Variants in CFAP47 observed in about 807,000 individuals in gnomAD.
The protein encoded by CFAP47 is cilia and flagella associated protein 47.
In CFAP47, 29 loss-of-function variants were observed where a neutral mutation model predicts 148.1. The ratio of observed to expected loss-of-function variants is 0.20; its 90% CI spans 0.15 to 0.27. CFAP47 has a LOEUF of 0.27. Among genes scored for constraint, CFAP47 ranks in the 10% least tolerant of loss-of-function variants. The pLI, the probability that CFAP47 is intolerant of heterozygous loss-of-function variation, is 1.00. For missense variants in CFAP47, 1,872 were observed against 1,697.5 expected (o/e 1.10, Z -1.81); for synonymous variants, 664 against 577.3 (o/e 1.15, Z -2.15).
chrX:36,261,481 C>T (rs1265102473), intron 49 of CFAP47, among the ~76,000 whole-genome samples: 3 of 106,648 alleles, frequency 2.8e-5, no homozygotes, highest in East Asian at 2.9e-4. Context: ...CGGCCTTCCT[C>T]AGTGTTTGTG....
At chrX:36,227,399 T>C (rs782701174) in intron 45 of CFAP47, among the ~76,000 whole-genome samples, 10 of 111,766 alleles carry the variant, frequency 8.9e-5, no homozygotes, top group Non-Finnish European at 1.5e-4. Context: ...TATAGCAACA[T>C]AGACATGGAA....
intron 33 of CFAP47, among the ~76,000 whole-genome samples, chrX:36,114,802 T>C (rs776650510): frequency 1.8e-5 from 2 of 111,365 alleles, no homozygotes; most frequent in Admixed American, 1.9e-4. Flanking sequence ...AAGGCTTTCA[T>C]AGTGCAGTGG....
rs1307713324 is a variant in CFAP47, at chrX:36,373,621, T to A, written c.9186-5729T>A. On this transcript the variant is annotated intron_variant, in intron 62 of 63. Transcript: ENST00000378653. ...ATATTTCTAGTATGTTACATAGACATGCAAAGAGGGGGCATTTTCTCCTTG... is the reference window on the plus strand; with the variant it reads ...ATATTTCTAGTATGTTACATAGACAAGCAAAGAGGGGGCATTTTCTCCTTG... Among the ~76,000 whole-genome samples the A allele has an allele frequency of 8.1e-5, 9 of 111,608 alleles. No homozygotes were observed. The Admixed American group carries it at 8.6e-4, about 11-fold the overall frequency.
chrX:36,111,257 C>T (rs758114536), intron 33 of CFAP47, among the ~76,000 whole-genome samples: 5 of 111,326 alleles, frequency 4.5e-5, no homozygotes, highest in Non-Finnish European at 7.5e-5. Flanking sequence ...AGAGCTCTTA[C>T]TATTTTGAGG....
intron 15 of CFAP47, 62 bp from the exon 16 acceptor site, chrX:35,989,257 A>T: frequency 1.1e-6 from 1 of 895,690 alleles, no homozygotes. Flanking sequence ...TTTGGATATT[A>T]ACAAAAAGAA....
In CFAP47 at chrX:36,137,449, C is replaced by A. The variant is rs769177383; in HGVS notation, c.5321-509C>A. Among the ~76,000 whole-genome samples the A allele has an allele frequency of 9.0e-5, 10 of 111,099 alleles. No homozygotes were observed. In the South Asian group the frequency reaches 3.0e-3, roughly 33 times the overall value. On this transcript the variant is annotated intron_variant, in intron 33 of 63. Coordinates refer to ENST00000378653, the MANE Select transcript of CFAP47 (RefSeq NM_001304548.2). ...AGAATTCCTTTTACTACTCCTCCATCCTGTATTGCCTTTTATAGGTCAATT... is the reference window on the plus strand; with the variant it reads ...AGAATTCCTTTTACTACTCCTCCATACTGTATTGCCTTTTATAGGTCAATT...
At chrX:36,135,195 C>G (rs1342105623) in intron 33 of CFAP47, among the ~76,000 whole-genome samples, 1 of 110,596 alleles carries the variant, frequency 9.0e-6, no homozygotes, top group Non-Finnish European at 1.9e-5. Context: ...GTGAATACTA[C>G]TTGGGTGCTG....
chrX:36,276,684 A>G (rs782496542), intron 49 of CFAP47, among the ~76,000 whole-genome samples: 7 of 111,939 alleles, frequency 6.3e-5, no homozygotes, highest in Non-Finnish European at 1.3e-4. Context: ...CTAAGCCTAG[A>G]ATAATATTAG....
chrX:36,054,723 G>C (rs1369297659), intron 26 of CFAP47, among the ~76,000 whole-genome samples: 1 of 111,256 alleles, frequency 9.0e-6, no homozygotes, highest in Non-Finnish European at 1.9e-5. Context: ...GTTATTTAAA[G>C]ATGAATATTA....
chrX:35,925,196 C>T (rs1431618341), intron 1 of CFAP47, among the ~76,000 whole-genome samples: 2 of 110,631 alleles, frequency 1.8e-5, no homozygotes, highest in African/African-American at 6.6e-5. Flanking sequence ...CACAGTGAAA[C>T]CCCATCTCTA....
chrX:36,273,889 C>G (rs182924147), intron 49 of CFAP47, among the ~76,000 whole-genome samples: 1 of 110,586 alleles, frequency 9.0e-6, no homozygotes, highest in African/African-American at 3.3e-5. Flanking sequence ...TGTTTAGAAA[C>G]AAAATTAAAT....
intron 15 of CFAP47, among the ~76,000 whole-genome samples, chrX:35,988,813 G>A (rs1199876025): frequency 5.4e-5 from 6 of 111,884 alleles, no homozygotes; most frequent in South Asian, 3.7e-4. Flanking sequence ...GTTAATTACC[G>A]ATAGCTAAAT....
chrX:36,024,860 G>A (rs939172455), intron 22 of CFAP47, among the ~76,000 whole-genome samples: 2 of 111,410 alleles, frequency 1.8e-5, no homozygotes, highest in South Asian at 7.6e-4. Context: ...CTTGATTTTT[G>A]GTTCTTATGA....
At chrX:36,045,104 A>G (rs1317574879) in intron 25 of CFAP47, among the ~76,000 whole-genome samples, 1 of 111,797 alleles carries the variant, frequency 8.9e-6, no homozygotes, top group African/African-American at 3.3e-5. Context: ...TTCCATTACT[A>G]TGTTGAATGA....
At position 36,310,825 on chromosome X, in the gene CFAP47, T is replaced by A; in HGVS notation, c.8188-8T>A. Reference sequence around the variant, plus strand: ...ACACATAAGTTACGAATACTTATCTTCAAACAGTTTACAGAATGGAAATTC... The same window carrying A: ...ACACATAAGTTACGAATACTTATCTACAAACAGTTTACAGAATGGAAATTC... On this transcript the variant is annotated splice_polypyrimidine_tract_variant and splice_region_variant and intron_variant, in intron 55 of 63. Coordinates refer to ENST00000378653, the MANE Select transcript of CFAP47 (RefSeq NM_001304548.2). The A allele has an allele frequency of 8.8e-7, 1 of 1,131,759 alleles. No homozygotes were observed. Among genetic ancestry groups the A allele is most frequent in the Non-Finnish European group, 1.2e-6 (1 of 849,517 alleles). 93.3% of individuals were successfully genotyped at this position (1,131,759 alleles called of 1,213,427 possible). A position where few individuals can be genotyped will look rare whatever the true frequency, so the allele number is the denominator to read the frequency against.
At chrX:36,317,918 TGATAA>T (rs1272241592) in intron 56 of CFAP47, among the ~76,000 whole-genome samples, 2 of 111,967 alleles carry the variant, frequency 1.8e-5, no homozygotes, top group Non-Finnish European at 3.8e-5. Context: ...TTTTAGATGC[TGATAA>T]GATATCTTAA....
At chrX:36,087,701 T>C (rs1286602475) in intron 30 of CFAP47, among the ~76,000 whole-genome samples, 1 of 112,038 alleles carries the variant, frequency 8.9e-6, no homozygotes, top group Non-Finnish European at 1.9e-5. Context: ...CACAGAGATT[T>C]ACCTTTTGAA....
rs372158027 is a variant in CFAP47, at chrX:35,919,962, G to A, written c.163G>A (p.Gly55Arg). 30 of 1,208,296 alleles carry A rather than the reference G, an allele frequency of 2.5e-5. No homozygotes were observed. Among genetic ancestry groups the A allele is most frequent in the Non-Finnish European group, 2.9e-5 (26 of 894,519 alleles). Reference sequence around the variant, plus strand: ...GGTGAAGTTCCTGGACACGATGGCCGGGAGGGTGTACCGCCTCCCGATTAC... The same window carrying A: ...GGTGAAGTTCCTGGACACGATGGCCAGGAGGGTGTACCGCCTCCCGATTAC... Reference protein sequence around the residue: ...AEVKFLDTMAGRVYRLPITVH... With the variant: ...AEVKFLDTMARRVYRLPITVH... Residue 55 changes from glycine (G) to arginine (R), a missense_variant, in exon 1 of 64, where the codon GGG becomes AGG. Transcript: ENST00000378653.
At position 36,001,724 on chromosome X, in the gene CFAP47, A is replaced by G; in HGVS notation, c.3417+17A>G. The G allele has an allele frequency of 3.4e-6, 1 of 292,111 alleles. No homozygotes were observed. Among genetic ancestry groups the G allele is most frequent in the African/African-American group, 2.7e-5 (1 of 36,893 alleles). 24.1% of individuals were successfully genotyped at this position (292,111 alleles called of 1,213,427 possible). ...CCCAAAGAAGTAAGTTCAGTTTTCT[A>G]TTCCTCATATTACTGCAGTTATGGG... On this transcript the variant is annotated intron_variant, in intron 21 of 63. Coordinates refer to ENST00000378653, the MANE Select transcript of CFAP47 (RefSeq NM_001304548.2).
Sources: allele counts gnomAD v4.1 joint callset (sites outside exome capture counted in the v4.1 genomes callset), GRCh38; gene constraint gnomAD v4.1.1; transcripts MANE v1.5; gene names NCBI Gene and HGNC (gene_info 2026-07-23, HGNC 2026-07-21).